MGAT4C: variants seen among roughly 807,000 people sequenced by gnomAD.
MGAT4C encodes alpha-1,3-mannosyl-glycoprotein 4-beta-N-acetylglucosaminyltransferase C.
In MGAT4C, 19 loss-of-function variants were observed where a neutral mutation model predicts 40.1. That is an observed-to-expected ratio of 0.47 (90% CI 0.33 to 0.70). MGAT4C has a LOEUF of 0.70. MGAT4C is among the 30% of genes least tolerant of loss of function. The probability of loss-of-function intolerance (pLI) is 0.02; values close to 1 mark genes in which losing one functional copy is unlikely to be tolerated. For synonymous variants in MGAT4C, 181 were observed against 187.1 expected, an observed-to-expected ratio of 0.97 and a Z score of 0.27; for missense variants, 491 against 563.2, an observed-to-expected ratio of 0.87 and a Z score of 1.30.
intron 2 of MGAT4C, among the ~76,000 whole-genome samples, chr12:86,441,395 C>T (rs928150729): frequency 2.6e-5 from 4 of 151,312 alleles, no homozygotes; most frequent in Admixed American, 6.6e-5. Context: ...ATGTGCACAA[C>T]GTGCAGGTTT....
At chr12:86,626,942 G>A (rs914833036) in intron 2 of MGAT4C, among the ~76,000 whole-genome samples, 2 of 152,224 alleles carry the variant, frequency 1.3e-5, no homozygotes, top group African/African-American at 2.4e-5. Context: ...AGTGCAAGGG[G>A]TTGGGGGATT....
chr12:86,541,029 G>A (rs1959165173), intron 2 of MGAT4C, among the ~76,000 whole-genome samples: 1 of 152,058 alleles, frequency 6.6e-6, no homozygotes, highest in African/African-American at 2.4e-5. Flanking sequence ...AAACAGGAAG[G>A]TTGTTTCAAA....
intron 2 of MGAT4C, among the ~76,000 whole-genome samples, chr12:86,628,419 A>C (rs56948187): frequency 0.12 from 17,980 of 152,126 alleles, 1,752 homozygotes; most frequent in African/African-American, 0.27. Context: ...CTCCTCGAGA[A>C]GAGCAACCCC....
chr12:86,716,176 G>A (rs1255119698), intron 2 of MGAT4C, among the ~76,000 whole-genome samples: 1 of 152,078 alleles, frequency 6.6e-6, no homozygotes, highest in Non-Finnish European at 1.5e-5. Context: ...TAAACCATCA[G>A]TCATCCCATA....
chr12:86,205,377 T>C (rs1471560112), intron 1 of MGAT4C, among the ~76,000 whole-genome samples: 1 of 151,598 alleles, frequency 6.6e-6, no homozygotes, highest in African/African-American at 2.4e-5. Context: ...ACATTTAAAA[T>C]TCCCCCTTGA....
At position 86,256,062 on chromosome 12, in the gene MGAT4C, G is replaced by A. The variant is rs80331469; in HGVS notation, c.-57+177C>T. On this transcript the variant is annotated intron_variant, in intron 1 of 4. Transcript: ENST00000611864. ...CTGCAAATTAGTTTGTCAGGTACAC[G>A]TTAGCAAGCTCTTTTTTTAATTCAT... 8.7e-4 allele frequency among the ~76,000 whole-genome samples: 133 copies of A among 152,156 alleles called. 1 individual carries two copies. The East Asian group carries it at 0.014, about 15-fold the overall frequency.
intron 2 of MGAT4C, among the ~76,000 whole-genome samples, chr12:86,690,160 T>G (rs552278065): frequency 4.6e-5 from 7 of 152,008 alleles, no homozygotes; most frequent in African/African-American, 1.7e-4. Context: ...CTGATGCCCC[T>G]CCCCCTACCA....
intron 1 of MGAT4C, among the ~76,000 whole-genome samples, chr12:86,097,342 C>T (rs1874113569): frequency 6.6e-6 from 1 of 151,640 alleles, no homozygotes; most frequent in Non-Finnish European, 1.5e-5. Context: ...GAATTGATCA[C>T]TTGTTTGCCA....
Position 86,290,028 on chromosome 12 carries a change from A to G in MGAT4C, c.-57+44037T>C, listed in dbSNP as rs563529116. 2.6e-4 allele frequency among the ~76,000 whole-genome samples: 40 copies of G among 152,204 alleles called. 1 individual carries two copies. In the South Asian group the frequency reaches 8.3e-3, roughly 32 times the overall value. On this transcript the variant is annotated intron_variant, in intron 4 of 7. Transcript: ENST00000548651. ...AAAAGACAATGGAGTTACTAGCTAG[A>G]AGGATTCTGAATATCTAAATCACTT...
At chr12:86,182,714 T>C (rs1320133221) in intron 1 of MGAT4C, among the ~76,000 whole-genome samples, 5 of 152,146 alleles carry the variant, frequency 3.3e-5, no homozygotes, top group Non-Finnish European at 5.9e-5. Flanking sequence ...TAGCTTAGAT[T>C]GACATAAAGC....
chr12:86,729,609 CTTAT>C (rs563715055), intron 1 of MGAT4C, among the ~76,000 whole-genome samples: 1 of 151,738 alleles, frequency 6.6e-6, no homozygotes, highest in Non-Finnish European at 1.5e-5. Context: ...TTTCAACTAA[CTTAT>C]TTTTGTCAAA....
At chr12:86,601,555 A>C (rs1424155197) in intron 2 of MGAT4C, among the ~76,000 whole-genome samples, 2 of 151,668 alleles carry the variant, frequency 1.3e-5, no homozygotes, top group Non-Finnish European at 2.9e-5. Flanking sequence ...CACCTTGCTC[A>C]CCCTCCAATT....
chr12:86,205,270 T>A lies in MGAT4C; in HGVS notation c.-57+50969A>T, dbSNP rs149529380. On this transcript the variant is annotated intron_variant, in intron 1 of 4. Coordinates refer to ENST00000611864, the MANE Select transcript of MGAT4C (RefSeq NM_001351288.2). ...CTATTTTAAATTTAACCAATATTCA[T>A]ATTCATATATGCATTGAAAAATTAT... Among the ~76,000 whole-genome samples the A allele has an allele frequency of 3.2e-3, 487 of 151,844 alleles. 2 individuals are homozygous for A. The highest frequency in any genetic ancestry group is 0.011 in the African/African-American group (453 of 41,566).
At chr12:86,622,111 C>G (rs769124025) in intron 2 of MGAT4C, among the ~76,000 whole-genome samples, 1 of 152,070 alleles carries the variant, frequency 6.6e-6, no homozygotes, top group Non-Finnish European at 1.5e-5. Flanking sequence ...GTATTGAATA[C>G]ATTTTTATTT....
At chr12:86,354,529 A>C (rs1163277981) in intron 3 of MGAT4C, among the ~76,000 whole-genome samples, 1 of 152,216 alleles carries the variant, frequency 6.6e-6, no homozygotes, top group Non-Finnish European at 1.5e-5. Flanking sequence ...AAGTTCTCAA[A>C]AAGAAATAGA....
chr12:86,286,537 A>C (rs1339037272), intron 4 of MGAT4C, among the ~76,000 whole-genome samples: 1 of 152,178 alleles, frequency 6.6e-6, no homozygotes, highest in Non-Finnish European at 1.5e-5. Flanking sequence ...AACCTTTAAA[A>C]TTGAATATTC....
intron 1 of MGAT4C, among the ~76,000 whole-genome samples, chr12:86,099,243 C>T (rs1254803720): frequency 6.6e-6 from 1 of 151,260 alleles, no homozygotes; most frequent in East Asian, 1.9e-4. Context: ...GATTTTTTGT[C>T]TGTCAGTGAA....
chr12:86,287,003 G>A (rs1035811033), intron 4 of MGAT4C, among the ~76,000 whole-genome samples: 2 of 152,108 alleles, frequency 1.3e-5, no homozygotes, highest in Non-Finnish European at 2.9e-5. Flanking sequence ...GAACATTTAA[G>A]GGTGATTCCA....
chr12:85,988,876 G>T (rs1885562003), intron 3 of MGAT4C, among the ~76,000 whole-genome samples: 1 of 151,712 alleles, frequency 6.6e-6, no homozygotes, highest in Admixed American at 6.6e-5. Flanking sequence ...TTTTCAGTGG[G>T]TACAAATATA....
Sources: allele counts gnomAD v4.1 joint callset (sites outside exome capture counted in the v4.1 genomes callset), GRCh38; gene constraint gnomAD v4.1.1; transcripts MANE v1.5; gene names NCBI Gene and HGNC (gene_info 2026-07-23, HGNC 2026-07-21).